Variants in DNAH8 observed in about 807,000 individuals in gnomAD.
DNAH8 encodes dynein axonemal heavy chain 8.
In DNAH8, 382 loss-of-function variants were observed where a neutral mutation model predicts 562.1. That is an observed-to-expected ratio of 0.68 (90% CI 0.63 to 0.74). The LOEUF (loss-of-function observed/expected upper bound fraction) is 0.74, where lower values mean the gene tolerates loss of function less well. Among genes scored for constraint, DNAH8 ranks in the 30% least tolerant of loss-of-function variants. DNAH8 has a pLI of 0.00. For synonymous variants in DNAH8, 1,881 were observed against 1,919.4 expected (o/e 0.98, Z 0.52); for missense variants, 5,203 against 5,620.4 (o/e 0.93, Z 2.37).
chr6:38,827,532 C>T (rs1480602333), intron 29 of DNAH8, among the ~76,000 whole-genome samples: 1 of 151,876 alleles, frequency 6.6e-6, no homozygotes, highest in Non-Finnish European at 1.5e-5. Flanking sequence ...CTTTATGGTA[C>T]CCAATATTTA....
intron 23 of DNAH8, among the ~76,000 whole-genome samples, chr6:38,806,009 A>G (rs1160446133): frequency 6.6e-6 from 1 of 152,182 alleles, no homozygotes; most frequent in Admixed American, 6.5e-5. Flanking sequence ...TTAAACTAGC[A>G]TTATGGATGA....
chr6:38,717,295 TG>T (rs1285839555), intron 1 of DNAH8, among the ~76,000 whole-genome samples: 3 of 152,110 alleles, frequency 2.0e-5, no homozygotes, highest in African/African-American at 7.2e-5. Flanking sequence ...TGTGAATGCT[TG>T]GGGGTAGATT....
intron 82 of DNAH8, among the ~76,000 whole-genome samples, chr6:38,966,867 C>T (rs906796728): frequency 2.6e-5 from 4 of 152,058 alleles, no homozygotes; most frequent in East Asian, 1.9e-4. Context: ...AGACCTTGGC[C>T]GATTCAGTAG....
chr6:38,972,337 A>T (rs1763402852), intron 83 of DNAH8, among the ~76,000 whole-genome samples: 2 of 152,188 alleles, frequency 1.3e-5, no homozygotes, highest in African/African-American at 4.8e-5. Context: ...CCTGGGAATT[A>T]ATGACTAGAG....
At position 38,842,387 on chromosome 6, in the gene DNAH8, C is replaced by T. The variant is rs755481327; in HGVS notation, c.4486C>T (p.Gln1496Ter). 1.3e-5 allele frequency: 21 copies of T among 1,604,094 alleles called. No individual in the cohort carries two copies. The highest frequency in any genetic ancestry group is 1.7e-5 in the Non-Finnish European group (20 of 1,176,494). The change falls in exon 34 of 93, where the codon CAG becomes TAG. Residue 1496 changes from glutamine (Q) to a stop codon, truncating the protein, a stop_gained. Transcript: ENST00000327475. LOFTEE classifies it high-confidence loss of function. ...TCCCAGAAAAGAACTCAACTTGCTG[C>T]AGAAGCTGTATGGATTGTATGACAC... ...HKTRKELNLL[Q>*]KLYGLYDTVM...
intron 79 of DNAH8, among the ~76,000 whole-genome samples, chr6:38,941,538 G>C (rs1396575499): frequency 1.3e-5 from 2 of 152,160 alleles, no homozygotes; most frequent in Non-Finnish European, 2.9e-5. Context: ...ATGGAAGTTG[G>C]TTTTTTAAGG....
chr6:38,969,183 A>T (rs1249640682), intron 82 of DNAH8, among the ~76,000 whole-genome samples: 1 of 152,172 alleles, frequency 6.6e-6, no homozygotes, highest in Non-Finnish European at 1.5e-5. Context: ...GAATTAGATG[A>T]TTTGATAGTA....
intron 11 of DNAH8, among the ~76,000 whole-genome samples, chr6:38,766,933 A>G (rs1296534493): frequency 6.6e-6 from 1 of 152,138 alleles, no homozygotes; most frequent in African/African-American, 2.4e-5. Flanking sequence ...TAGGATCGAC[A>G]TTTTCTTTGT....
At chr6:38,998,465 AT>A (rs2150746340) in intron 88 of DNAH8, among the ~76,000 whole-genome samples, 1 of 152,256 alleles carries the variant, frequency 6.6e-6, no homozygotes, top group Non-Finnish European at 1.5e-5. Context: ...ACTTTCTGAA[AT>A]TTATCAAATG....
At chr6:38,719,653 C>T (rs952682850) in intron 1 of DNAH8, among the ~76,000 whole-genome samples, 2 of 152,188 alleles carry the variant, frequency 1.3e-5, no homozygotes, top group African/African-American at 4.8e-5. Flanking sequence ...GGCAGGGCTT[C>T]TCCAGAGACC....
rs752786346 is a variant in DNAH8, at chr6:38,894,803, G to A, written c.8686G>A (p.Ala2896Thr). 3.0e-5 allele frequency: 49 copies of A among 1,613,880 alleles called. No homozygotes were observed. The South Asian group carries it at 3.3e-4, about 11-fold the overall frequency. The change falls in exon 59 of 93, where the codon GCT (alanine) becomes ACT (threonine). Residue 2896 changes from alanine (A) to threonine (T), a missense_variant. Ala to Thr is a moderately conservative substitution (Grantham distance 58, BLOSUM62 0). This residue lies in a region of DNAH8 where 977 missense variants were observed against 1,061.8 expected (regional missense o/e 0.92). Transcript: ENST00000327475. The stretch of plus-strand genomic sequence containing the variant: ...GTTGACCATAAAAGCTGAGGAGTGC[G>A]CTTCAATCCCTACTCTCCTGTCCCT... Reference protein sequence around the residue: ...GMLTIKAEECASIPTLLSLFK... With the variant: ...GMLTIKAEECTSIPTLLSLFK...
chr6:38,778,500 G>A, intron 14 of DNAH8, 36 bp downstream of exon 14: 1 of 1,211,426 alleles, frequency 8.3e-7, no homozygotes, highest in Non-Finnish European at 1.2e-6. Flanking sequence ...AGTTTCTGGG[G>A]GGAATAACTT....
chr6:38,738,482 A>G (rs1243961378), intron 7 of DNAH8, among the ~76,000 whole-genome samples: 2 of 152,186 alleles, frequency 1.3e-5, no homozygotes, highest in African/African-American at 4.8e-5. Context: ...GGAATACAAC[A>G]TATGTCAAAA....
intron 58 of DNAH8, 120 bp downstream of exon 58, chr6:38,890,881 A>G: frequency 3.0e-6 from 2 of 665,840 alleles, no homozygotes; most frequent in South Asian, 3.9e-5. Context: ...GGAAAAGACA[A>G]ATTACGTGCT....
Position 38,815,677 on chromosome 6 carries a change from C to T in DNAH8, c.3523+20C>T, listed in dbSNP as rs759757654. 2 of 1,590,922 alleles carry T rather than the reference C, an allele frequency of 1.3e-6. No individual in the cohort carries two copies. Among genetic ancestry groups the T allele is most frequent in the Admixed American group, 1.7e-5 (1 of 59,376 alleles). On this transcript the variant is annotated intron_variant, in intron 26 of 92. Transcript: ENST00000327475. ...AAGAAAGTAAGAATGTAAAATTAGT[C>T]AATGATCTTACTGATCCTTTTTGGA...
At chr6:38,740,822 C>T (rs529867601) in intron 7 of DNAH8, among the ~76,000 whole-genome samples, 1 of 152,164 alleles carries the variant, frequency 6.6e-6, no homozygotes, top group South Asian at 2.1e-4. Flanking sequence ...GCCTTGTTGC[C>T]CAGGCTGATC....
chr6:38,822,785 TA>T (rs1772984117), intron 26 of DNAH8, 52 bp from the exon 27 acceptor site: 1 of 1,233,360 alleles, frequency 8.1e-7, no homozygotes. Context: ...AAACTGATAA[TA>T]TTTAAAGTTG....
chr6:38,726,639 GA>G (rs1308561353), intron 3 of DNAH8, among the ~76,000 whole-genome samples: 2 of 152,140 alleles, frequency 1.3e-5, no homozygotes, highest in Non-Finnish European at 2.9e-5. Context: ...AGCCATGGTG[GA>G]GGGAAAATCG....
At chr6:38,721,435 G>C (rs1333011045) in intron 1 of DNAH8, among the ~76,000 whole-genome samples, 1 of 151,988 alleles carries the variant, frequency 6.6e-6, no homozygotes, top group African/African-American at 2.4e-5. Flanking sequence ...AGCCTGGGAG[G>C]TCAAAGCTGC....
Sources: allele counts gnomAD v4.1 joint callset (sites outside exome capture counted in the v4.1 genomes callset), GRCh38; gene constraint gnomAD v4.1.1; regional missense constraint gnomAD v4.1.1; transcripts MANE v1.5; gene names NCBI Gene and HGNC (gene_info 2026-07-23, HGNC 2026-07-21).